The following ZC3HAV1 variants were observed in gnomAD, a reference collection of about 807,000 sequenced individuals.
ZC3HAV1 encodes zinc finger CCCH-type containing, antiviral 1.
ZC3HAV1 carries 41 observed loss-of-function variants against 86.6 expected under a neutral mutation model. The observed-to-expected ratio is 0.47, with a 90% confidence interval of 0.37 to 0.61. The LOEUF (loss-of-function observed/expected upper bound fraction) is 0.61, where lower values mean the gene tolerates loss of function less well. ZC3HAV1 is among the 20% of genes least tolerant of loss of function. The pLI, the probability that ZC3HAV1 is intolerant of heterozygous loss-of-function variation, is 0.00. For synonymous variants in ZC3HAV1, 421 were observed against 432.1 expected (o/e 0.97, Z 0.32); for missense variants, 964 against 1,141.1 (o/e 0.84, Z 2.24).
rs376588110 is a variant in ZC3HAV1, at chr7:139,089,627, G to A, written c.441C>T (p.Pro147=). The change falls in exon 2 of 13, where the codon CCC becomes CCT. Residue 147 remains proline, a synonymous_variant. Coordinates refer to ENST00000242351, the MANE Select transcript of ZC3HAV1 (RefSeq NM_020119.4). ...LLLQSDPFFM[P]EICKSYKGEG... ...AAACTGAGGAATCACAACTTACCTC[G>A]GGCATAAAAAAAGGATCACTTTGGA... is the stretch of plus-strand genomic sequence containing the variant. 40 of 1,601,560 alleles carry A rather than the reference G, an allele frequency of 2.5e-5. No homozygotes were observed. The African/African-American group carries it at 3.0e-4, about 12-fold the overall frequency.
chr7:139,089,171 AC>A (rs989008387), intron 2 of ZC3HAV1, among the ~76,000 whole-genome samples: 2 of 150,794 alleles, frequency 1.3e-5, no homozygotes, highest in Non-Finnish European at 2.9e-5. Flanking sequence ...TAGATTGCTG[AC>A]CCCTGACCTA....
At chr7:139,048,021 C>T (rs965642352) in intron 12 of ZC3HAV1, among the ~76,000 whole-genome samples, 168 bp from the exon 13 acceptor site, 3 of 152,068 alleles carry the variant, frequency 2.0e-5, no homozygotes, top group Non-Finnish European at 2.9e-5. Context: ...ATGATGCAGG[C>T]GAACTTAAAT....
chr7:139,068,618 T>G (rs1422861569), intron 7 of ZC3HAV1, among the ~76,000 whole-genome samples: 1 of 152,252 alleles, frequency 6.6e-6, no homozygotes, highest in African/African-American at 2.4e-5. Context: ...AATTGCCGCA[T>G]GTGGCAAGTG....
At chr7:139,090,322 T>C (rs1405416705) in intron 1 of ZC3HAV1, among the ~76,000 whole-genome samples, 1 of 152,204 alleles carries the variant, frequency 6.6e-6, no homozygotes, top group Non-Finnish European at 1.5e-5. Flanking sequence ...AACTATTCTT[T>C]TCTTTGATCC....
intron 12 of ZC3HAV1, among the ~76,000 whole-genome samples, chr7:139,052,617 A>C (rs376027785): frequency 0.06 from 8,986 of 149,270 alleles, 743 homozygotes; most frequent in African/African-American, 0.18. Flanking sequence ...AAAAAAAAAA[A>C]AAAAAAAAAA....
intron 8 of ZC3HAV1, among the ~76,000 whole-genome samples, chr7:139,061,440 C>T (rs1158452959): frequency 6.6e-6 from 1 of 151,874 alleles, no homozygotes; most frequent in Non-Finnish European, 1.5e-5. Flanking sequence ...AGACACCATC[C>T]TTTCAAGCTT....
chr7:139,045,178 T>A lies in ZC3HAV1; in HGVS notation c.*2416A>T, dbSNP rs1815922064. The A allele has an allele frequency of 6.6e-6, 1 of 152,196 alleles. No individual in the cohort carries two copies. The highest frequency in any genetic ancestry group is 6.5e-5 in the Admixed American group (1 of 15,274). The allele number at this position is 152,196 out of a possible 1,614,324, so 9.4% of individuals were successfully genotyped here. On this transcript the variant is annotated 3_prime_UTR_variant, in exon 13 of 13. Coordinates refer to ENST00000242351, the MANE Select transcript of ZC3HAV1 (RefSeq NM_020119.4). ...GTGTGTAGGTGGAGCATATTACCTC[T>A]GAATTGGATTTGGAGGATAATAAAG...
chr7:139,075,502 G>A (rs892804349), intron 6 of ZC3HAV1, among the ~76,000 whole-genome samples: 1 of 152,086 alleles, frequency 6.6e-6, no homozygotes, highest in Non-Finnish European at 1.5e-5. Context: ...GCACAATCAC[G>A]GCTCATTGCA....
chr7:139,049,143 TC>T (rs1305984825), intron 12 of ZC3HAV1, among the ~76,000 whole-genome samples: 5,345 of 81,088 alleles, frequency 0.066, 186 homozygotes, highest in African/African-American at 0.16. Flanking sequence ...TTTTTTTTTT[TC>T]GTTGTTGTTG....
At chr7:139,101,593 T>C (rs1817774680) in intron 1 of ZC3HAV1, among the ~76,000 whole-genome samples, 1 of 145,842 alleles carries the variant, frequency 6.9e-6, no homozygotes, top group Non-Finnish European at 1.5e-5. Flanking sequence ...GGGGAAATGA[T>C]AGAGAAATCG....
In ZC3HAV1 at chr7:139,108,978, C is replaced by A; in HGVS notation, c.308+46G>T. The A allele has an allele frequency of 1.3e-6, 2 of 1,499,704 alleles. No individual in the cohort carries two copies. Among genetic ancestry groups the A allele is most frequent in the Non-Finnish European group, 1.8e-6 (2 of 1,114,668 alleles). The allele number at this position is 1,499,704 out of a possible 1,614,324, so 92.9% of individuals were successfully genotyped here. A position where few individuals can be genotyped will look rare whatever the true frequency, so the allele number is the denominator to read the frequency against. ...AACATTGCCCGCCTGGACAGTCCAC[C>A]CCGACCACGGCTGCGGACAGCGCCC... On this transcript the variant is annotated intron_variant, in intron 1 of 12. Transcript: ENST00000242351. The surrounding 1 kb of genome is among the most constrained non-coding windows in gnomAD (Gnocchi z 4.2).
intron 9 of ZC3HAV1, among the ~76,000 whole-genome samples, chr7:139,056,653 T>C (rs1195239090): frequency 6.6e-6 from 1 of 151,930 alleles, no homozygotes; most frequent in African/African-American, 2.4e-5. Flanking sequence ...GCAATCCTTC[T>C]GCCTTGGCCT....
At position 139,064,953 on chromosome 7, in the gene ZC3HAV1, G is replaced by C. The variant is rs1189567999; in HGVS notation, c.1919C>G (p.Ser640Cys). 1 of 1,614,188 alleles carries C rather than the reference G, an allele frequency of 6.2e-7. No homozygotes were observed. Among genetic ancestry groups the C allele is most frequent in the South Asian group, 1.1e-5 (1 of 91,080 alleles). Residue 640 changes from serine to cysteine, a missense_variant, in exon 8 of 13, where the codon TCT becomes TGT. By Grantham distance (112) the Ser-to-Cys change is moderately radical. Transcript: ENST00000242351. ...TCCCCTCGGACAGGATTGATAGAGAGACTCCAGGTATGAAGAGTCGACGTT... is the reference window on the plus strand; with the variant it reads ...TCCCCTCGGACAGGATTGATAGAGACACTCCAGGTATGAAGAGTCGACGTT... ...NSNVDSSYLESLYQSCPRGVV... is the reference protein window; with the variant it reads ...NSNVDSSYLECLYQSCPRGVV...
intron 9 of ZC3HAV1, chr7:139,060,691 A>G: frequency 1.8e-6 from 2 of 1,091,322 alleles, no homozygotes; most frequent in South Asian, 4.9e-5. Flanking sequence ...AAAAAAAAAA[A>G]AAGAATCCAC....
rs746542486 is a variant in ZC3HAV1 at position 139,045,702 on chromosome 7, C to T, written c.*1892G>A. ...GAGTTCCACTTTGGACATATTGAAT[C>T]AAAGATGCCTGTGAAATATCCAGCT... On this transcript the variant is annotated 3_prime_UTR_variant, in exon 13 of 13. Transcript: ENST00000242351. 6.6e-5 allele frequency: 10 copies of T among 151,948 alleles called. No individual in the cohort carries two copies. The highest frequency in any genetic ancestry group is 1.2e-4 in the Non-Finnish European group (8 of 68,012). 9.4% of individuals were successfully genotyped at this position (151,948 alleles called of 1,614,324 possible). A position where few individuals can be genotyped will look rare whatever the true frequency, so the allele number is the denominator to read the frequency against.
intron 1 of ZC3HAV1, among the ~76,000 whole-genome samples, chr7:139,092,403 T>A (rs963479934): frequency 2.0e-5 from 3 of 152,166 alleles, no homozygotes; most frequent in Non-Finnish European, 4.4e-5. Context: ...ACAGGGTTAG[T>A]AAAAACAAGG....
intron 9 of ZC3HAV1, chr7:139,060,690 A>G (rs1478518340): frequency 9.1e-7 from 1 of 1,093,666 alleles, no homozygotes; most frequent in African/African-American, 1.7e-5. Flanking sequence ...AAAAAAAAAA[A>G]AAAGAATCCA....
At position 139,095,453 on chromosome 7, in the gene ZC3HAV1, A is replaced by G. The variant is rs145332880; in HGVS notation, c.309-5694T>C. Among the ~76,000 whole-genome samples, 204 of 152,268 alleles carry G rather than the reference A, an allele frequency of 1.3e-3. 1 individual carries two copies. The highest frequency in any genetic ancestry group is 4.7e-3 in the African/African-American group (196 of 41,534). ...CGAAAAAAATGAGCTTCCTTTAACC[A>G]CAACTGTATTACCCAGAACACAGCA... On this transcript the variant is annotated intron_variant, in intron 1 of 12. Transcript: ENST00000242351.
intron 7 of ZC3HAV1, among the ~76,000 whole-genome samples, chr7:139,071,672 A>G (rs970870681): frequency 6.6e-6 from 1 of 152,186 alleles, no homozygotes; most frequent in African/African-American, 2.4e-5. Flanking sequence ...CGGGAGTTTC[A>G]GCAGAACTCT....
Sources: allele counts gnomAD v4.1 joint callset (sites outside exome capture counted in the v4.1 genomes callset), GRCh38; gene constraint gnomAD v4.1.1; non-coding constraint Gnocchi (gnomAD v3.1); transcripts MANE v1.5; gene names NCBI Gene and HGNC (gene_info 2026-07-23, HGNC 2026-07-21).